The following RSPH1 variants were observed in gnomAD, a reference collection of about 807,000 sequenced individuals.
RSPH1 encodes radial spoke head 1 homolog.
In RSPH1, 32 loss-of-function variants were observed where a neutral mutation model predicts 44.2. That is an observed-to-expected ratio of 0.72 (90% CI 0.55 to 0.97). The LOEUF is 0.97. RSPH1 is among the 50% of genes least tolerant of loss of function. The probability of loss-of-function intolerance (pLI) is 0.00; values close to 1 mark genes in which losing one functional copy is unlikely to be tolerated. For missense variants in RSPH1, 391 were observed against 398.7 expected (o/e 0.98, Z 0.16); for synonymous variants, 134 against 147.3 (o/e 0.91, Z 0.65).
At chr21:42,480,640 C>CAA (rs780506820) in intron 6 of RSPH1, among the ~76,000 whole-genome samples, 3,159 of 38,698 alleles carry the variant, frequency 0.082, 595 homozygotes, top group South Asian at 0.16. Context: ...AACTCCATCT[C>CAA]AAAAAAAAAA....
intron 6 of RSPH1, among the ~76,000 whole-genome samples, chr21:42,480,452 C>G (rs988590652): frequency 5.3e-5 from 8 of 151,972 alleles, no homozygotes; most frequent in Non-Finnish European, 1.2e-4. Flanking sequence ...ACCAGCCTGA[C>G]CAATATGGAG....
In RSPH1 at chr21:42,494,478, C is replaced by T. The variant is rs115966166; in HGVS notation, c.55-1399G>A. ...AGTTTACATCAAAATGTACAAAAGT[C>T]CCCTCCTTCTATCCAAGAGGCTTCC... On this transcript the variant is annotated intron_variant, in intron 1 of 8. Transcript: ENST00000291536. 7.7e-3 allele frequency among the ~76,000 whole-genome samples: 1,172 copies of T among 152,250 alleles called. 17 individuals are homozygous for T. The highest frequency in any genetic ancestry group is 0.027 in the African/African-American group (1,104 of 41,524).
chr21:42,480,007 G>A (rs891282776), intron 6 of RSPH1, among the ~76,000 whole-genome samples: 1 of 152,214 alleles, frequency 6.6e-6, no homozygotes, highest in Non-Finnish European at 1.5e-5. Flanking sequence ...GAGCAAAGCA[G>A]GAGAAGAGGC....
At chr21:42,476,217 G>A (rs1188002694) in intron 7 of RSPH1, among the ~76,000 whole-genome samples, 170 bp from the exon 8 acceptor site, 1 of 151,930 alleles carries the variant, frequency 6.6e-6, no homozygotes, top group African/African-American at 2.4e-5. Context: ...GGCCTGGCCA[G>A]GGGAGCAGCC....
At chr21:42,482,788 C>T (rs2054142659) in intron 5 of RSPH1, 80 bp from the exon 6 acceptor site, 1 of 932,036 alleles carries the variant, frequency 1.1e-6, no homozygotes, top group Non-Finnish European at 1.7e-6. Context: ...CCACAATACC[C>T]ACCTCAAATC....
chr21:42,487,719 A>C (rs1047441733), intron 3 of RSPH1, among the ~76,000 whole-genome samples: 1 of 152,244 alleles, frequency 6.6e-6, no homozygotes, highest in African/African-American at 2.4e-5. Context: ...TCTGGCTTAC[A>C]CAAAAACTGG....
intron 5 of RSPH1, chr21:42,484,695 T>C (rs1197731300): frequency 6.6e-6 from 1 of 152,144 alleles, no homozygotes; most frequent in Non-Finnish European, 1.5e-5. Flanking sequence ...TTCAGACTGG[T>C]TTAGGCTGGA....
chr21:42,481,208 T>C (rs775691606), intron 6 of RSPH1, among the ~76,000 whole-genome samples: 37 of 152,016 alleles, frequency 2.4e-4, no homozygotes, highest in Non-Finnish European at 4.7e-4. Flanking sequence ...GTTAAAAATA[T>C]ATATATATAT....
Position 42,496,204 on chromosome 21 carries a change from G to C in RSPH1, c.-18C>G. 1 of 1,614,006 alleles carries C rather than the reference G, an allele frequency of 6.2e-7. No homozygotes were observed. Among genetic ancestry groups the C allele is most frequent in the Non-Finnish European group, 8.5e-7 (1 of 1,179,898 alleles). On this transcript the variant is annotated 5_prime_UTR_variant, in exon 1 of 9. The change creates a new upstream start codon in the 5' untranslated region. Transcript: ENST00000291536. The stretch of plus-strand genomic sequence containing the variant: ...TCCGACATGGTCTCGCCCCAGCCTG[G>C]ATCACAGCCGCAGCGCCTCTAGCAG...
At chr21:42,482,379 T>G (rs914817678) in intron 6 of RSPH1, among the ~76,000 whole-genome samples, 2 of 152,166 alleles carry the variant, frequency 1.3e-5, no homozygotes, top group African/African-American at 4.8e-5. Flanking sequence ...CATTGTGCCC[T>G]GCCAGGATTA....
Position 42,493,477 on chromosome 21 carries a change from C to T in RSPH1, c.55-398G>A, listed in dbSNP as rs2054256586. Among the ~76,000 whole-genome samples, 5 of 152,268 alleles carry T rather than the reference C, an allele frequency of 3.3e-5. No homozygotes were observed. The South Asian group carries it at 1.0e-3, about 32-fold the overall frequency. Reference sequence around the variant, plus strand: ...AGAACAGTTCAAGTCCACACAAATACCTCCCCGTTTGCTTCCTTCAGTAAT... The same window carrying T: ...AGAACAGTTCAAGTCCACACAAATATCTCCCCGTTTGCTTCCTTCAGTAAT... On this transcript the variant is annotated intron_variant, in intron 1 of 8. Transcript: ENST00000291536.
rs200745905 is a variant in RSPH1 at position 42,477,306 on chromosome 21, C to T, written c.712G>A (p.Ala238Thr). 3.9e-5 allele frequency: 63 copies of T among 1,613,896 alleles called. No homozygotes were observed. Among genetic ancestry groups the T allele is most frequent in the South Asian group, 1.3e-4 (12 of 91,076 alleles). The stretch of plus-strand genomic sequence containing the variant: ...TGCCCCACACTCTCAGCTCCTGGAG[C>T]GTCTTGGCCAGGTCCATCCGTAGAG... ...PTSTDGPGQD[A>T]PGAESAGEPG... Residue 238 changes from alanine to threonine, a missense_variant, in exon 7 of 9, where the codon GCT (alanine) becomes ACT (threonine). By Grantham distance (58) the Ala-to-Thr change is moderately conservative. Transcript: ENST00000291536.
chr21:42,476,582 CT>C, intron 7 of RSPH1, among the ~76,000 whole-genome samples: 1 of 152,286 alleles, frequency 6.6e-6, no homozygotes, highest in Middle Eastern at 3.4e-3. Context: ...AGAAAGACCA[CT>C]GGGTTGGACA....
chr21:42,485,640 T>C (rs374138242), intron 5 of RSPH1, 29 bp downstream of exon 5: 21 of 1,613,660 alleles, frequency 1.3e-5, no homozygotes, highest in Middle Eastern at 3.3e-4. Context: ...TTGTACTTCA[T>C]TGGCAAATGT....
chr21:42,475,966 T>A lies in RSPH1; in HGVS notation c.809A>T (p.Asp270Val). 1 of 1,612,196 alleles carries A rather than the reference T, an allele frequency of 6.2e-7. No individual in the cohort carries two copies. The highest frequency in any genetic ancestry group is 1.6e-4 in the Middle Eastern group (1 of 6,062). ...GEMDMRPGDE[D>V]ADVLREESRE... ...GCTCTCTTCCCGGAGGACGTCTGCA[T>A]CTTCATCTCCAGGCCTCATGTCCAT... Residue 270 changes from aspartate to valine, a missense_variant, in exon 8 of 9, where the codon GAT (aspartate) becomes GTT (valine). Transcript: ENST00000291536.
At chr21:42,483,530 C>A (rs1219951596) in intron 5 of RSPH1, among the ~76,000 whole-genome samples, 2 of 151,936 alleles carry the variant, frequency 1.3e-5, no homozygotes, top group Non-Finnish European at 2.9e-5. Context: ...AGTAAGCCTG[C>A]ATTTTTTTCA....
At chr21:42,477,506 A>C in intron 6 of RSPH1, 62 bp from the exon 7 acceptor site, 1 of 1,557,510 alleles carries the variant, frequency 6.4e-7, no homozygotes, top group Non-Finnish European at 8.8e-7. Flanking sequence ...TGGAATATTA[A>C]AAGTGAGGGA....
chr21:42,484,137 C>A (rs2054156911), intron 5 of RSPH1, among the ~76,000 whole-genome samples: 1 of 152,146 alleles, frequency 6.6e-6, no homozygotes, highest in African/African-American at 2.4e-5. Context: ...GATGTTTGAC[C>A]TCACTAGTAA....
At chr21:42,488,623 G>A (rs2054203546) in intron 3 of RSPH1, among the ~76,000 whole-genome samples, 2 of 152,104 alleles carry the variant, frequency 1.3e-5, no homozygotes, top group Non-Finnish European at 2.9e-5. Flanking sequence ...GAACAGTTAA[G>A]TTGCAAAAGA....
Sources: gnomAD v4.1 joint callset for allele counts (sites outside exome capture counted in the v4.1 genomes callset) on GRCh38, gnomAD v4.1.1 for gene constraint, MANE v1.5 for transcripts, NCBI Gene and HGNC (gene_info 2026-07-23, HGNC 2026-07-21) for gene names.